Variants in KIAA1549L observed in about 807,000 individuals in gnomAD.
The protein encoded by KIAA1549L is KIAA1549 like.
A neutral mutation model predicts 160.7 loss-of-function variants in KIAA1549L; 88 were observed. That is an observed-to-expected ratio of 0.55 (90% CI 0.46 to 0.65). KIAA1549L has a LOEUF of 0.65. Ranked by LOEUF, KIAA1549L falls within the 30% of genes least tolerant of loss-of-function variation. The pLI, the probability that KIAA1549L is intolerant of heterozygous loss-of-function variation, is 0.00. For synonymous variants in KIAA1549L, 950 were observed against 976.7 expected (o/e 0.97, Z 0.51); for missense variants, 2,258 against 2,437.5 (o/e 0.93, Z 1.55).
At chr11:33,452,484 T>G (rs937119175) in intron 1 of KIAA1549L, among the ~76,000 whole-genome samples, 1 of 152,084 alleles carries the variant, frequency 6.6e-6, no homozygotes, top group Middle Eastern at 3.2e-3. Context: ...GGCGGGCAGC[T>G]GTAGTCCCAG....
chr11:33,427,322 T>G (rs984687177), intron 1 of KIAA1549L, among the ~76,000 whole-genome samples: 1 of 152,324 alleles, frequency 6.6e-6, no homozygotes, highest in Admixed American at 6.5e-5. Context: ...TCTCTCCCTT[T>G]GAGGATGAAC....
At chr11:33,382,962 G>T (rs1463083345) in intron 1 of KIAA1549L, among the ~76,000 whole-genome samples, 4 of 152,170 alleles carry the variant, frequency 2.6e-5, no homozygotes, top group African/African-American at 9.7e-5. Flanking sequence ...AGGAAAAGAA[G>T]AAAGTGTATT....
intron 15 of KIAA1549L, among the ~76,000 whole-genome samples, chr11:33,615,522 C>T (rs1382196427): frequency 2.0e-5 from 3 of 151,988 alleles, no homozygotes. Flanking sequence ...ATTTCTCTAC[C>T]TGAGAGTCTA....
rs34264580 is a variant in KIAA1549L at position 33,461,170 on chromosome 11, C to CA, written c.239-80623dup. Among the ~76,000 whole-genome samples, 41 of 148,664 alleles carry CA rather than the reference C, an allele frequency of 2.8e-4. No individual in the cohort carries two copies. In the South Asian group the frequency reaches 3.0e-3, roughly 11 times the overall value. ...TGGACTTCTTTTTTTTTCTTTGTAA[C>CA]AAAAAAAAATATTTTTATAGACCAC... On this transcript the variant is annotated intron_variant, in intron 1 of 20. Transcript: ENST00000658780.
At chr11:33,540,111 C>T (rs1853981880) in intron 1 of KIAA1549L, among the ~76,000 whole-genome samples, 3 of 152,148 alleles carry the variant, frequency 2.0e-5, no homozygotes, top group Admixed American at 2.0e-4. Flanking sequence ...TTACAGATCC[C>T]TTGGTATTAG....
Position 33,542,718 on chromosome 11 carries a change from C to T in KIAA1549L, c.1155C>T (p.Ser385=), listed in dbSNP as rs1264861635. 1 of 1,613,894 alleles carries T rather than the reference C, an allele frequency of 6.2e-7. No individual in the cohort carries two copies. Among genetic ancestry groups the T allele is most frequent in the Admixed American group, 1.7e-5 (1 of 60,004 alleles). Residue 385 remains serine, a synonymous_variant, in exon 2 of 21, where the codon TCC becomes TCT. Transcript: ENST00000658780. ...SMLEVASGPA[S]TQQIKAGVPG... is the part of the protein sequence containing the mutation. Reference sequence around the variant, plus strand: ...TGGAAGTGGCTTCAGGTCCTGCATCCACCCAGCAGATCAAAGCTGGGGTGC... The same window carrying T: ...TGGAAGTGGCTTCAGGTCCTGCATCTACCCAGCAGATCAAAGCTGGGGTGC...
intron 9 of KIAA1549L, among the ~76,000 whole-genome samples, chr11:33,569,755 C>T (rs146663323): frequency 1.3e-4 from 20 of 152,248 alleles, no homozygotes; most frequent in African/African-American, 4.1e-4. Context: ...CGAGGTAAAG[C>T]GGTGGTTAAG....
At chr11:33,470,344 G>A (rs758043358) in intron 1 of KIAA1549L, among the ~76,000 whole-genome samples, 12 of 151,944 alleles carry the variant, frequency 7.9e-5, no homozygotes, top group Non-Finnish European at 5.9e-5. Flanking sequence ...GTTTACTTTT[G>A]GACTCTCAGT....
chr11:33,532,153 T>A (rs959564496), intron 1 of KIAA1549L, among the ~76,000 whole-genome samples: 3 of 152,216 alleles, frequency 2.0e-5, no homozygotes, highest in African/African-American at 7.2e-5. Context: ...CTCTCTGAGC[T>A]CTGGTTTCCT....
At chr11:33,546,560 T>G (rs1854271494) in intron 3 of KIAA1549L, among the ~76,000 whole-genome samples, 2 of 152,210 alleles carry the variant, frequency 1.3e-5, no homozygotes, top group Non-Finnish European at 2.9e-5. Flanking sequence ...CTCACCTAAA[T>G]TTCTGTAACA....
At chr11:33,574,067 C>T (rs1014119655) in intron 9 of KIAA1549L, among the ~76,000 whole-genome samples, 3 of 151,930 alleles carry the variant, frequency 2.0e-5, no homozygotes, top group East Asian at 3.9e-4. Context: ...TGGGCAAAAA[C>T]GAAGAATGGA....
At position 33,454,115 on chromosome 11, in the gene KIAA1549L, C is replaced by CTGTT. The variant is rs1590256560; in HGVS notation, c.238+77227_238+77230dup. Among the ~76,000 whole-genome samples, 4 of 152,318 alleles carry CTGTT rather than the reference C, an allele frequency of 2.6e-5. No individual in the cohort carries two copies. The South Asian group carries it at 8.3e-4, about 32-fold the overall frequency. ...AAATACCTGACCCATCTGTAAACAGCTGTTACACAAGCTCTCTGCCTGGAA... is the reference window on the plus strand; with the variant it reads ...AAATACCTGACCCATCTGTAAACAGCTGTTTGTTACACAAGCTCTCTGCCTGGAA... On this transcript the variant is annotated intron_variant, in intron 1 of 20. Transcript: ENST00000658780.
chr11:33,503,100 G>A (rs550882185), intron 1 of KIAA1549L, among the ~76,000 whole-genome samples: 1 of 152,254 alleles, frequency 6.6e-6, no homozygotes, highest in Admixed American at 6.5e-5. Context: ...CTCACCTGAA[G>A]TCCCCCTCAT....
intron 1 of KIAA1549L, among the ~76,000 whole-genome samples, chr11:33,380,535 A>G (rs995582632): frequency 4.6e-5 from 7 of 152,152 alleles, no homozygotes; most frequent in Non-Finnish European, 8.8e-5. Flanking sequence ...AGTTCTGTGG[A>G]TATCTATCAG....
chr11:33,413,517 G>C (rs1158101419), intron 1 of KIAA1549L, among the ~76,000 whole-genome samples: 2 of 151,508 alleles, frequency 1.3e-5, no homozygotes, highest in African/African-American at 2.4e-5. Context: ...GTTGGGTTTA[G>C]AGTAATTAAC....
Position 33,440,841 on chromosome 11 carries a change from A to C in KIAA1549L, c.238+63952A>C, listed in dbSNP as rs1041162435. On this transcript the variant is annotated intron_variant, in intron 1 of 20. Transcript: ENST00000658780. ...TTTTTGGATAGTGGATCCATTTTGC[A>C]TAAATGTTTTAATATCACCCTTGTC... Among the ~76,000 whole-genome samples, 6 of 152,196 alleles carry C rather than the reference A, an allele frequency of 3.9e-5. No individual in the cohort carries two copies. The East Asian group carries it at 1.2e-3, about 29-fold the overall frequency.
chr11:33,525,062 A>T (rs1392757010), intron 1 of KIAA1549L, among the ~76,000 whole-genome samples: 2 of 152,202 alleles, frequency 1.3e-5, no homozygotes, highest in African/African-American at 2.4e-5. Flanking sequence ...GGCAGATAGG[A>T]GACAGGACTA....
chr11:33,532,390 A>G (rs537132596), intron 1 of KIAA1549L, among the ~76,000 whole-genome samples: 3 of 151,120 alleles, frequency 2.0e-5, no homozygotes, highest in African/African-American at 7.4e-5. Context: ...ACAAATAATG[A>G]TAATAATAAC....
At chr11:33,533,999 T>C (rs935559913) in intron 1 of KIAA1549L, among the ~76,000 whole-genome samples, 4 of 152,226 alleles carry the variant, frequency 2.6e-5, no homozygotes, top group South Asian at 2.1e-4. Context: ...TGGGCAATCA[T>C]TGTAAACATT....
Sources: gnomAD v4.1 joint callset for allele counts (sites outside exome capture counted in the v4.1 genomes callset) on GRCh38, gnomAD v4.1.1 for gene constraint, MANE v1.5 for transcripts, NCBI Gene and HGNC (gene_info 2026-07-23, HGNC 2026-07-21) for gene names.